Variants in MTHFD1L observed in about 807,000 individuals in gnomAD.
MTHFD1L encodes the protein methylenetetrahydrofolate dehydrogenase (NADP+ dependent) 1 like, also known as monofunctional C1-tetrahydrofolate synthase, mitochondrial.
Under a neutral mutation model 119.5 loss-of-function variants are expected in MTHFD1L, and 81 were observed. The observed-to-expected ratio is 0.68, with a 90% confidence interval of 0.57 to 0.82. The LOEUF is 0.82. Ranked by LOEUF, MTHFD1L falls within the 40% of genes least tolerant of loss-of-function variation. MTHFD1L has a pLI of 0.00. For missense variants in MTHFD1L, 1,125 were observed against 1,253.4 expected (o/e 0.90, Z 1.55); for synonymous variants, 430 against 475.2 (o/e 0.90, Z 1.24).
intron 8 of MTHFD1L, among the ~76,000 whole-genome samples, chr6:150,910,079 G>T (rs570280958): frequency 3.9e-5 from 6 of 152,142 alleles, no homozygotes; most frequent in African/African-American, 1.2e-4. Context: ...TACTTGGGAG[G>T]CTGGGGCAGG....
At chr6:150,975,266 G>A (rs532297594) in intron 20 of MTHFD1L, among the ~76,000 whole-genome samples, 13 of 152,234 alleles carry the variant, frequency 8.5e-5, no homozygotes, top group African/African-American at 1.4e-4. Flanking sequence ...TACGTACCAC[G>A]GAACTCTAGC....
At chr6:150,918,111 G>T (rs1788290164) in intron 8 of MTHFD1L, among the ~76,000 whole-genome samples, 1 of 146,724 alleles carries the variant, frequency 6.8e-6, no homozygotes, top group Non-Finnish European at 1.5e-5. Context: ...TGTCGCCCAG[G>T]TTGCAGTGCA....
intron 20 of MTHFD1L, among the ~76,000 whole-genome samples, chr6:150,984,429 C>T (rs1187897917): frequency 6.6e-6 from 1 of 151,954 alleles, no homozygotes; most frequent in African/African-American, 2.4e-5. Context: ...TTTTTCCCCC[C>T]TTTATTCAGA....
chr6:151,014,427 G>A (rs141630907), intron 22 of MTHFD1L, among the ~76,000 whole-genome samples: 1 of 152,218 alleles, frequency 6.6e-6, no homozygotes, highest in East Asian at 1.9e-4. Flanking sequence ...TGTCATGGAA[G>A]GTCTATATAC....
intron 7 of MTHFD1L, among the ~76,000 whole-genome samples, chr6:150,903,029 A>C (rs964133317): frequency 1.3e-5 from 2 of 152,150 alleles, no homozygotes; most frequent in Non-Finnish European, 2.9e-5. Context: ...TTTTGACAGT[A>C]CTATATATAA....
At chr6:150,932,796 A>AGGGAGGGAAGG (rs1214115274) in intron 11 of MTHFD1L, among the ~76,000 whole-genome samples, 2 of 122,532 alleles carry the variant, frequency 1.6e-5, no homozygotes, top group African/African-American at 7.9e-5. Context: ...GAAAGGAAGA[A>AGGGAGGGAAGG]AGGGAGGAAG....
At chr6:150,871,891 A>ATTTTTTTTTTTTTTTTTTTTTT (rs1562287413) in intron 1 of MTHFD1L, among the ~76,000 whole-genome samples, 7 of 147,048 alleles carry the variant, frequency 4.8e-5, no homozygotes, top group African/African-American at 1.8e-4. Context: ...ATTTTATTTT[A>ATTTTTTTTTTTTTTTTTTTTTT]TTTTTTGAGA....
chr6:151,008,504 C>T (rs1781705743), intron 20 of MTHFD1L, among the ~76,000 whole-genome samples: 1 of 143,060 alleles, frequency 7.0e-6, no homozygotes, highest in Non-Finnish European at 1.6e-5. Flanking sequence ...GCCCAAGATT[C>T]CACATGTCTT....
At chr6:150,899,795 A>C (rs1010083849) in intron 7 of MTHFD1L, among the ~76,000 whole-genome samples, 2 of 151,860 alleles carry the variant, frequency 1.3e-5, no homozygotes, top group African/African-American at 4.8e-5. Context: ...AACATGGGGA[A>C]ACTCCATCTC....
At chr6:150,979,379 T>C (rs943692098) in intron 20 of MTHFD1L, among the ~76,000 whole-genome samples, 2 of 152,252 alleles carry the variant, frequency 1.3e-5, no homozygotes, top group Non-Finnish European at 2.9e-5. Context: ...TTTTCTTTTC[T>C]GTGTTCTACT....
intron 4 of MTHFD1L, among the ~76,000 whole-genome samples, chr6:150,882,524 G>A (rs1345621976): frequency 1.3e-5 from 2 of 152,142 alleles, no homozygotes; most frequent in African/African-American, 4.8e-5. Flanking sequence ...GAAAGGCAGA[G>A]AAGTCACTAA....
At chr6:151,098,918 G>A (rs1795117211) in intron 27 of MTHFD1L, among the ~76,000 whole-genome samples, 1 of 152,090 alleles carries the variant, frequency 6.6e-6, no homozygotes, top group Non-Finnish European at 1.5e-5. Context: ...GCTCGCATCT[G>A]TAATCCCAGC....
chr6:151,059,612 C>A (rs1286821969), intron 26 of MTHFD1L, among the ~76,000 whole-genome samples: 3 of 152,160 alleles, frequency 2.0e-5, no homozygotes, highest in Non-Finnish European at 4.4e-5. Flanking sequence ...TCTGCTCTTA[C>A]CATTTTGTTA....
At chr6:150,929,972 A>G (rs1790740134) in intron 11 of MTHFD1L, among the ~76,000 whole-genome samples, 1 of 152,220 alleles carries the variant, frequency 6.6e-6, no homozygotes, top group Non-Finnish European at 1.5e-5. Flanking sequence ...ACTGGATTCT[A>G]TAAGGGAAGA....
At chr6:150,883,057 G>T (rs1781624529) in intron 5 of MTHFD1L, among the ~76,000 whole-genome samples, 171 bp downstream of exon 5, 2 of 150,986 alleles carry the variant, frequency 1.3e-5, no homozygotes, top group African/African-American at 4.9e-5. Context: ...TTTTGAGATG[G>T]AGTCTCGCTC....
At chr6:150,894,242 G>C (rs1240290786) in intron 7 of MTHFD1L, among the ~76,000 whole-genome samples, 3 of 152,022 alleles carry the variant, frequency 2.0e-5, no homozygotes. Flanking sequence ...GAAATATATG[G>C]GTCAATTAGG....
At chr6:150,934,468 T>C (rs2128931051) in intron 11 of MTHFD1L, among the ~76,000 whole-genome samples, 1 of 152,356 alleles carries the variant, frequency 6.6e-6, no homozygotes, top group East Asian at 1.9e-4. Context: ...ATTGCTGATA[T>C]ATTCAGATCA....
chr6:151,010,906 G>GT (rs1164437240), intron 21 of MTHFD1L, among the ~76,000 whole-genome samples: 1 of 152,206 alleles, frequency 6.6e-6, no homozygotes, highest in East Asian at 1.9e-4. Flanking sequence ...CAAGTAGCAG[G>GT]TTTGCCATCA....
At chr6:150,922,893 C>T (rs1704248769) in intron 10 of MTHFD1L, among the ~76,000 whole-genome samples, 1 of 152,208 alleles carries the variant, frequency 6.6e-6, no homozygotes, top group Non-Finnish European at 1.5e-5. Context: ...ATCTGCCCAC[C>T]TTGGCCTCCC....
Sources: gnomAD v4.1 joint callset for allele counts (sites outside exome capture counted in the v4.1 genomes callset) on GRCh38, gnomAD v4.1.1 for gene constraint, MANE v1.5 for transcripts, NCBI Gene and HGNC (gene_info 2026-07-23, HGNC 2026-07-21) for gene names.